Variants in SNX8 observed in about 807,000 individuals in gnomAD.
SNX8 encodes sorting nexin 8, also known as sorting nexin-8.
Under a neutral mutation model 51.6 loss-of-function variants are expected in SNX8, and 25 were observed. That is an observed-to-expected ratio of 0.48 (90% CI 0.35 to 0.68). The LOEUF (loss-of-function observed/expected upper bound fraction) is 0.68. SNX8 is among the 30% of genes least tolerant of loss of function. The pLI, the probability that SNX8 is intolerant of heterozygous loss-of-function variation, is 0.00. For missense variants in SNX8, 695 were observed against 624.0 expected (o/e 1.11, Z -1.21); for synonymous variants, 324 against 277.0 (o/e 1.17, Z -1.68).
chr7:2,330,089 C>T (rs994457700), intron 1 of SNX8, among the ~76,000 whole-genome samples: 2 of 150,602 alleles, frequency 1.3e-5, no homozygotes, highest in Non-Finnish European at 3.0e-5. Flanking sequence ...CCTCGGCCTC[C>T]CAAAGTGCTG....
rs148295978 is a variant in SNX8 at position 2,322,158 on chromosome 7, A to G, written c.-66+32064T>C. Reference sequence around the variant, plus strand: ...GGAACTAGCTGGGCAAATGGACAGAACTTAGCATGCAGAGCATCGGAGTCA... The same window carrying G: ...GGAACTAGCTGGGCAAATGGACAGAGCTTAGCATGCAGAGCATCGGAGTCA... On this transcript the variant is annotated intron_variant, in intron 1 of 5. Coordinates refer to the SNX8 transcript ENST00000435336. Among the ~76,000 whole-genome samples, 501 of 152,352 alleles carry G rather than the reference A, an allele frequency of 3.3e-3. 3 individuals are homozygous for G. The highest frequency in any genetic ancestry group is 0.011 in the African/African-American group (469 of 41,594).
At chr7:2,341,260 A>C (rs1325648902) in intron 1 of SNX8, among the ~76,000 whole-genome samples, 1 of 152,048 alleles carries the variant, frequency 6.6e-6, no homozygotes, top group Non-Finnish European at 1.5e-5. Flanking sequence ...GGCTCACATG[A>C]GGCTGAGGCA....
chr7:2,269,328 G>A (rs549491140), intron 5 of SNX8, among the ~76,000 whole-genome samples: 1 of 150,842 alleles, frequency 6.6e-6, no homozygotes, highest in East Asian at 1.9e-4. Flanking sequence ...TGCTCGTTAA[G>A]AGTCATCACC....
chr7:2,328,540 C>T (rs1206076138), intron 1 of SNX8, among the ~76,000 whole-genome samples: 1 of 151,266 alleles, frequency 6.6e-6, no homozygotes, highest in African/African-American at 2.4e-5. Flanking sequence ...TGGCCAGTCA[C>T]GGTGGTTCAC....
intron 1 of SNX8, among the ~76,000 whole-genome samples, 188 bp downstream of exon 1, chr7:2,314,140 G>A (rs1311411238): frequency 2.0e-5 from 3 of 152,136 alleles, no homozygotes; most frequent in Non-Finnish European, 4.4e-5. Context: ...GAGAGCACGG[G>A]GACCCCCAAA....
intron 1 of SNX8, among the ~76,000 whole-genome samples, chr7:2,311,177 C>A (rs570781274): frequency 6.6e-6 from 1 of 152,192 alleles, no homozygotes; most frequent in East Asian, 1.9e-4. Flanking sequence ...TCTGGCAACA[C>A]CGAAGATGCA....
At chr7:2,270,641 G>C (rs911832033) in intron 4 of SNX8, among the ~76,000 whole-genome samples, 2 of 151,958 alleles carry the variant, frequency 1.3e-5, no homozygotes, top group African/African-American at 2.4e-5. Flanking sequence ...AATGCAGATC[G>C]CCTCCAAAGG....
At chr7:2,302,378 G>T (rs894391730) in intron 1 of SNX8, among the ~76,000 whole-genome samples, 1 of 152,258 alleles carries the variant, frequency 6.6e-6, no homozygotes, top group East Asian at 1.9e-4. Context: ...TGCCGGGATT[G>T]CAGACGGAGT....
chr7:2,270,811 G>A (rs1026034335), intron 4 of SNX8, among the ~76,000 whole-genome samples: 36 of 152,280 alleles, frequency 2.4e-4, no homozygotes, highest in Middle Eastern at 3.4e-3. Context: ...CCTGGGAGAG[G>A]GGGTGTCTTC....
intron 1 of SNX8, among the ~76,000 whole-genome samples, chr7:2,343,104 T>G (rs1410049882): frequency 1.3e-5 from 2 of 151,930 alleles, no homozygotes; most frequent in Non-Finnish European, 2.9e-5. Context: ...CTGATTTTTG[T>G]ATTTTTAGTA....
intron 1 of SNX8, among the ~76,000 whole-genome samples, chr7:2,308,440 G>GGC (rs1355696427): frequency 1.3e-5 from 2 of 151,842 alleles, no homozygotes; most frequent in African/African-American, 4.8e-5. Flanking sequence ...GGCTGCAGCG[G>GGC]GCGGATCACC....
intron 7 of SNX8, among the ~76,000 whole-genome samples, chr7:2,259,084 T>G (rs913211582): frequency 1.3e-5 from 2 of 152,162 alleles, no homozygotes; most frequent in Admixed American, 6.5e-5. Context: ...ATCTGCGGTA[T>G]GAAGAGTCGG....
At chr7:2,285,393 CAA>C (rs1218564807) in intron 1 of SNX8, among the ~76,000 whole-genome samples, 1 of 151,816 alleles carries the variant, frequency 6.6e-6, no homozygotes, top group East Asian at 1.9e-4. Context: ...AGTCTCAAAA[CAA>C]AAAAACTTTC....
At chr7:2,270,640 C>A (rs987069626) in intron 4 of SNX8, among the ~76,000 whole-genome samples, 1 of 152,028 alleles carries the variant, frequency 6.6e-6, no homozygotes, top group Non-Finnish European at 1.5e-5. Context: ...CAATGCAGAT[C>A]GCCTCCAAAG....
At chr7:2,290,754 G>A (rs1796132300) in intron 1 of SNX8, among the ~76,000 whole-genome samples, 1 of 152,148 alleles carries the variant, frequency 6.6e-6, no homozygotes, top group Non-Finnish European at 1.5e-5. Context: ...GACACAAAGA[G>A]AACGTAGTCA....
Position 2,255,028 on chromosome 7 carries a change from G to T in SNX8, c.*28C>A. 1 of 1,430,500 alleles carries T rather than the reference G, an allele frequency of 7.0e-7. No individual in the cohort carries two copies. The highest frequency in any genetic ancestry group is 9.6e-7 in the Non-Finnish European group (1 of 1,037,078). The allele number at this position is 1,430,500 out of a possible 1,614,324, so 88.6% of individuals were successfully genotyped here. The stretch of plus-strand genomic sequence containing the variant: ...TTTGGAAAGAGGTTTTAGTGCGGCC[G>T]CAGGGAGCACCACCTCAGCCTCAGG... On this transcript the variant is annotated 3_prime_UTR_variant, in exon 11 of 11. Transcript: ENST00000222990.
intron 4 of SNX8, among the ~76,000 whole-genome samples, chr7:2,271,331 T>C (rs1584684102): frequency 6.6e-6 from 1 of 152,230 alleles, no homozygotes. Context: ...CGTGGGCCAC[T>C]GTACCTGCGA....
intron 1 of SNX8, among the ~76,000 whole-genome samples, chr7:2,322,812 T>G (rs1778549820): frequency 6.7e-6 from 1 of 149,136 alleles, no homozygotes; most frequent in Non-Finnish European, 1.5e-5. Context: ...TGGCCAGGAG[T>G]TCAAGACCAG....
chr7:2,279,518 G>T (rs945839520), intron 1 of SNX8, among the ~76,000 whole-genome samples: 1 of 152,104 alleles, frequency 6.6e-6, no homozygotes, highest in Admixed American at 6.6e-5. Flanking sequence ...TGGGGAGACC[G>T]AGGCAAGAGG....
Sources: gnomAD v4.1 joint callset for allele counts (sites outside exome capture counted in the v4.1 genomes callset) on GRCh38, gnomAD v4.1.1 for gene constraint, MANE v1.5 for transcripts, NCBI Gene and HGNC (gene_info 2026-07-23, HGNC 2026-07-21) for gene names.